DGKI: variants seen among roughly 807,000 people sequenced by gnomAD.
DGKI encodes the protein diacylglycerol kinase iota.
A neutral mutation model predicts 147.5 loss-of-function variants in DGKI; 55 were observed. The observed-to-expected ratio is 0.37, with a 90% CI of 0.30 to 0.47. The LOEUF is 0.47. Ranked by LOEUF, DGKI falls within the 20% of genes least tolerant of loss-of-function variation. DGKI has a pLI of 1.00. For missense variants in DGKI, 1,007 were observed against 1,323.8 expected (o/e 0.76, Z 3.71); for synonymous variants, 469 against 477.1 (o/e 0.98, Z 0.22).
At chr7:137,676,496 T>C (rs560292508) in intron 3 of DGKI, among the ~76,000 whole-genome samples, 25 of 152,334 alleles carry the variant, frequency 1.6e-4, no homozygotes, top group South Asian at 4.1e-4. Context: ...CCCCACTTTA[T>C]AGGTAAAGAA....
At chr7:137,738,097 T>C (rs1795075942) in intron 1 of DGKI, among the ~76,000 whole-genome samples, 1 of 152,146 alleles carries the variant, frequency 6.6e-6, no homozygotes, top group African/African-American at 2.4e-5. Flanking sequence ...ATACATTCAA[T>C]ATATAGCCCT....
At chr7:137,815,273 AT>A in intron 1 of DGKI, among the ~76,000 whole-genome samples, 1 of 152,276 alleles carries the variant, frequency 6.6e-6, no homozygotes, top group Middle Eastern at 3.4e-3. Context: ...CTCGTCTTCC[AT>A]ATGTGAAGCC....
At chr7:137,441,325 G>A (rs900417350) in intron 28 of DGKI, among the ~76,000 whole-genome samples, 1 of 150,524 alleles carries the variant, frequency 6.6e-6, no homozygotes, top group Non-Finnish European at 1.5e-5. Flanking sequence ...GGAGGCTGAG[G>A]CAGGAGAATG....
At chr7:137,554,510 G>A (rs1034187132) in intron 19 of DGKI, among the ~76,000 whole-genome samples, 1 of 152,178 alleles carries the variant, frequency 6.6e-6, no homozygotes, top group Non-Finnish European at 1.5e-5. Context: ...TGCATTCATT[G>A]CCATTTATTG....
chr7:137,649,784 T>C (rs1290997967), intron 5 of DGKI, among the ~76,000 whole-genome samples: 1 of 148,466 alleles, frequency 6.7e-6, no homozygotes, highest in Non-Finnish European at 1.5e-5. Flanking sequence ...TATATATATA[T>C]ATATATATTT....
chr7:137,585,083 A>G, intron 14 of DGKI, 126 bp downstream of exon 14: 2 of 1,114,794 alleles, frequency 1.8e-6, no homozygotes, highest in Non-Finnish European at 2.6e-6. Context: ...GTAGCCATCA[A>G]CTCAAATATT....
rs952557095 is a variant in DGKI, at chr7:137,592,613, G to A, written c.1311+5234C>T. Reference sequence around the variant, plus strand: ...TTTTCTTCCAAGAGAACAGATGCACGTTGCGCTGCCTTGTAGTACATGCAG... The same window carrying A: ...TTTTCTTCCAAGAGAACAGATGCACATTGCGCTGCCTTGTAGTACATGCAG... On this transcript the variant is annotated intron_variant, in intron 12 of 32. Coordinates refer to ENST00000614521, the MANE Select transcript of DGKI (RefSeq NM_001321708.2). Among the ~76,000 whole-genome samples, 9 of 152,222 alleles carry A rather than the reference G, an allele frequency of 5.9e-5. 1 individual carries two copies. The highest frequency in any genetic ancestry group is 1.7e-4 in the African/African-American group (7 of 41,442).
At chr7:137,654,124 T>C (rs969426168) in intron 5 of DGKI, among the ~76,000 whole-genome samples, 4 of 152,234 alleles carry the variant, frequency 2.6e-5, no homozygotes, top group African/African-American at 9.6e-5. Context: ...CCTCTTTACC[T>C]GTTTATCTTC....
intron 19 of DGKI, among the ~76,000 whole-genome samples, chr7:137,569,769 A>AAAAAAAC (rs1818730691): frequency 7.8e-6 from 1 of 128,506 alleles, no homozygotes; most frequent in African/African-American, 3.2e-5. Context: ...AAAAAAAAAA[A>AAAAAAAC]AAAGAATTCT....
intron 17 of DGKI, among the ~76,000 whole-genome samples, chr7:137,576,211 G>C (rs996034618): frequency 6.6e-6 from 1 of 151,310 alleles, no homozygotes; most frequent in Non-Finnish European, 1.5e-5. Flanking sequence ...CTAATTTTTT[G>C]TATTTTGATA....
At chr7:137,732,193 T>C (rs1440284372) in intron 1 of DGKI, among the ~76,000 whole-genome samples, 2 of 152,178 alleles carry the variant, frequency 1.3e-5, no homozygotes, top group South Asian at 2.1e-4. Flanking sequence ...ACAATATATA[T>C]AGTAAATACA....
At chr7:137,806,207 T>A (rs1489550949) in intron 1 of DGKI, among the ~76,000 whole-genome samples, 1 of 152,182 alleles carries the variant, frequency 6.6e-6, no homozygotes, top group African/African-American at 2.4e-5. Flanking sequence ...TCACTGATCA[T>A]GAGTAAATGC....
intron 20 of DGKI, among the ~76,000 whole-genome samples, chr7:137,534,727 C>A (rs1012237483): frequency 6.6e-6 from 1 of 151,964 alleles, no homozygotes; most frequent in Non-Finnish European, 1.5e-5. Context: ...GAGGGTGACA[C>A]AGAAATATAA....
intron 1 of DGKI, among the ~76,000 whole-genome samples, chr7:137,698,057 T>C (rs994399428): frequency 6.6e-6 from 1 of 151,124 alleles, no homozygotes; most frequent in Non-Finnish European, 1.5e-5. Flanking sequence ...TATATATAGA[T>C]ATCTATATAT....
chr7:137,635,536 C>T (rs1023750870), intron 6 of DGKI, among the ~76,000 whole-genome samples: 1 of 152,166 alleles, frequency 6.6e-6, no homozygotes, highest in African/African-American at 2.4e-5. Flanking sequence ...GGATCCTGCA[C>T]AACATTGTGT....
At chr7:137,563,455 A>T (rs1441757397) in intron 19 of DGKI, among the ~76,000 whole-genome samples, 2 of 152,020 alleles carry the variant, frequency 1.3e-5, no homozygotes, top group African/African-American at 2.4e-5. Context: ...TTAAATAAAA[A>T]ATAAAAATGG....
intron 1 of DGKI, among the ~76,000 whole-genome samples, chr7:137,699,607 A>G (rs576824193): frequency 3.0e-4 from 46 of 152,358 alleles, no homozygotes; most frequent in Admixed American, 5.2e-4. Flanking sequence ...AAATTTAGGA[A>G]AAGCATTAGC....
chr7:137,695,344 C>T (rs1358619668), intron 1 of DGKI, among the ~76,000 whole-genome samples: 3 of 152,154 alleles, frequency 2.0e-5, no homozygotes, highest in African/African-American at 7.2e-5. Context: ...CTATTTTATG[C>T]CAAGCACTGT....
At chr7:137,638,619 CACAT>C (rs1363764192) in intron 6 of DGKI, among the ~76,000 whole-genome samples, 585 of 20,050 alleles carry the variant, frequency 0.029, 213 homozygotes, top group African/African-American at 0.16. Flanking sequence ...TATACACACA[CACAT>C]ATATATGTGT....
Sources: allele counts gnomAD v4.1 joint callset (sites outside exome capture counted in the v4.1 genomes callset), GRCh38; gene constraint gnomAD v4.1.1; transcripts MANE v1.5; gene names NCBI Gene and HGNC (gene_info 2026-07-23, HGNC 2026-07-21).